Variants in CCDC149 observed in about 807,000 individuals in gnomAD.
CCDC149 encodes coiled-coil domain containing 149, also known as coiled-coil domain-containing protein 149.
In CCDC149, 45 loss-of-function variants were observed where a neutral mutation model predicts 59.9. That is an observed-to-expected ratio of 0.75 (90% CI 0.59 to 0.96). CCDC149 has a LOEUF of 0.96. Among genes scored for constraint, CCDC149 ranks in the 40% least tolerant of loss-of-function variants. The probability of loss-of-function intolerance (pLI) is 0.00; values close to 1 mark genes in which losing one functional copy is unlikely to be tolerated. For synonymous variants in CCDC149, 245 were observed against 260.6 expected, an observed-to-expected ratio of 0.94 and a Z score of 0.58; for missense variants, 584 against 664.7, an observed-to-expected ratio of 0.88 and a Z score of 1.33.
At chr4:24,859,103 T>C (rs1184946475) in intron 3 of CCDC149, among the ~76,000 whole-genome samples, 3 of 152,226 alleles carry the variant, frequency 2.0e-5, no homozygotes, top group African/African-American at 7.2e-5. Context: ...ACTTATGATC[T>C]TTCAACTTTA....
chr4:24,917,514 G>T (rs1257195789), upstream of CCDC149, among the ~76,000 whole-genome samples: 7 of 152,178 alleles, frequency 4.6e-5, no homozygotes, highest in Admixed American at 4.6e-4. Flanking sequence ...TGTTGGAGGG[G>T]TTCCCAGAAG....
At chr4:24,968,925 T>G (rs1723882979) in intron 1 of CCDC149, among the ~76,000 whole-genome samples, 1 of 152,210 alleles carries the variant, frequency 6.6e-6, no homozygotes, top group African/African-American at 2.4e-5. Context: ...AGATAACTAT[T>G]TATCACGTGT....
intron 1 of CCDC149, among the ~76,000 whole-genome samples, chr4:24,944,643 A>C (rs1386409549): frequency 2.6e-5 from 4 of 152,160 alleles, no homozygotes; most frequent in Non-Finnish European, 5.9e-5. Context: ...TACCTAATGC[A>C]TGCAGAGCTA....
intron 1 of CCDC149, among the ~76,000 whole-genome samples, chr4:24,959,944 G>A (rs1161192866): frequency 5.9e-5 from 9 of 152,112 alleles, no homozygotes; most frequent in African/African-American, 1.2e-4. Context: ...GATACCGGAT[G>A]GAAATATGGG....
In CCDC149 at chr4:24,819,881, C is replaced by T. The variant is rs747553116; in HGVS notation, c.1170G>A (p.Glu390=). The T allele has an allele frequency of 1.9e-6, 3 of 1,551,460 alleles. No homozygotes were observed. Among genetic ancestry groups the T allele is most frequent in the African/African-American group, 2.7e-5 (2 of 73,050 alleles). ...TACCATCCTTGGGATCTGCTTTGTT[C>T]TCAGTGGGCTGCTCGACAAACTTCA... The change falls in exon 12 of 13, where the codon GAG becomes GAA. Residue 390 remains glutamate (E), a synonymous_variant. Coordinates refer to ENST00000635206, the MANE Select transcript of CCDC149 (RefSeq NM_001330643.2).
intron 1 of CCDC149, among the ~76,000 whole-genome samples, chr4:24,881,734 C>G (rs1175446198): frequency 6.6e-6 from 1 of 152,150 alleles, no homozygotes; most frequent in African/African-American, 2.4e-5. Context: ...CATGTGATCT[C>G]TATTAGTAGT....
chr4:24,845,759 T>G (rs1717249881), intron 4 of CCDC149, among the ~76,000 whole-genome samples: 1 of 152,198 alleles, frequency 6.6e-6, no homozygotes, highest in African/African-American at 2.4e-5. Context: ...AGGCAAGTAC[T>G]ACTGCTATCC....
intron 5 of CCDC149, 24 bp downstream of exon 5, chr4:24,838,132 C>G: frequency 1.9e-6 from 3 of 1,554,358 alleles, no homozygotes; most frequent in Non-Finnish European, 2.7e-6. Context: ...GCATCCCCCA[C>G]TCTGAATAGA....
chr4:24,944,508 C>A (rs1411152671), intron 1 of CCDC149, among the ~76,000 whole-genome samples: 1 of 151,506 alleles, frequency 6.6e-6, no homozygotes, highest in Non-Finnish European at 1.5e-5. Context: ...ATGTAACAAA[C>A]CTGCACGTTG....
chr4:24,851,790 C>T (rs2109180720), intron 4 of CCDC149, among the ~76,000 whole-genome samples: 2 of 152,146 alleles, frequency 1.3e-5, no homozygotes, highest in Admixed American at 1.3e-4. Context: ...AAGGTCTGTC[C>T]TTTAATTATT....
intron 4 of CCDC149, among the ~76,000 whole-genome samples, chr4:24,849,191 C>T (rs944599143): frequency 6.6e-6 from 1 of 152,156 alleles, no homozygotes; most frequent in African/African-American, 2.4e-5. Context: ...GTCTCTGTGG[C>T]CCCAGCACTG....
At chr4:24,953,496 C>T (rs1273848666) in intron 1 of CCDC149, among the ~76,000 whole-genome samples, 3 of 152,204 alleles carry the variant, frequency 2.0e-5, no homozygotes, top group African/African-American at 2.4e-5. Flanking sequence ...GGAAAAGGCA[C>T]ATGCTCAGAA....
rs529219820 is a variant in CCDC149 at position 24,810,027 on chromosome 4, T to C, written c.1193-1208A>G. On this transcript the variant is annotated intron_variant, in intron 12 of 12. Transcript: ENST00000635206. Reference sequence around the variant, plus strand: ...TCCTGCTGATGTGCTCCTGTTTCACTCTGCAGCCTCATTTCACACAGTTTC... The same window carrying C: ...TCCTGCTGATGTGCTCCTGTTTCACCCTGCAGCCTCATTTCACACAGTTTC... Among the ~76,000 whole-genome samples the C allele has an allele frequency of 8.5e-5, 13 of 152,294 alleles. 2 individuals carry two copies. The South Asian group carries it at 2.7e-3, about 32-fold the overall frequency.
intron 1 of CCDC149, among the ~76,000 whole-genome samples, chr4:24,903,291 C>T (rs1210213735): frequency 1.3e-5 from 2 of 152,062 alleles, no homozygotes; most frequent in African/African-American, 4.8e-5. Context: ...CGCCCTCGAC[C>T]ATAACTCCTC....
chr4:24,891,992 C>T (rs554139653), intron 1 of CCDC149, among the ~76,000 whole-genome samples: 73 of 152,108 alleles, frequency 4.8e-4, no homozygotes, highest in Admixed American at 4.6e-3. Flanking sequence ...GAGTGAGACC[C>T]TGTCTCAAAA....
chr4:24,814,334 A>G (rs542075840), intron 12 of CCDC149, among the ~76,000 whole-genome samples: 1 of 152,352 alleles, frequency 6.6e-6, no homozygotes, highest in East Asian at 1.9e-4. Context: ...CTTGATGCGC[A>G]AATGTATAGA....
chr4:24,857,919 T>C (rs1195217633), intron 3 of CCDC149, among the ~76,000 whole-genome samples: 4 of 152,188 alleles, frequency 2.6e-5, no homozygotes, highest in Non-Finnish European at 4.4e-5. Context: ...TACAATTCTT[T>C]TCTATTCAGT....
intron 1 of CCDC149, among the ~76,000 whole-genome samples, chr4:24,888,987 C>T (rs995707816): frequency 1.3e-5 from 2 of 151,882 alleles, no homozygotes; most frequent in South Asian, 2.1e-4. Context: ...TTACTTTTGA[C>T]AGGCAAACTT....
chr4:24,811,115 C>A (rs1035556130), intron 12 of CCDC149, among the ~76,000 whole-genome samples: 7 of 152,208 alleles, frequency 4.6e-5, no homozygotes, highest in African/African-American at 1.7e-4. Context: ...AGGACCACAG[C>A]AAGAAGCAAG....
Sources: allele counts gnomAD v4.1 joint callset (sites outside exome capture counted in the v4.1 genomes callset), GRCh38; gene constraint gnomAD v4.1.1; transcripts MANE v1.5; gene names NCBI Gene and HGNC (gene_info 2026-07-23, HGNC 2026-07-21).